Variants in MAML3 observed in about 807,000 individuals in gnomAD.
MAML3 encodes mastermind-like protein 3.
Under a neutral mutation model 101.9 loss-of-function variants are expected in MAML3, and 27 were observed. The observed-to-expected ratio is 0.27, with a 90% CI of 0.20 to 0.37. The LOEUF (loss-of-function observed/expected upper bound fraction) is 0.37. Ranked by LOEUF, MAML3 falls within the 10% of genes least tolerant of loss-of-function variation. The probability of loss-of-function intolerance (pLI) is 1.00; values close to 1 mark genes in which losing one functional copy is unlikely to be tolerated. For missense variants in MAML3, 1,316 were observed against 1,444.9 expected (o/e 0.91, Z 1.45); for synonymous variants, 501 against 555.9 (o/e 0.90, Z 1.39).
At chr4:140,138,211 C>T (rs1271097641) in intron 1 of MAML3, among the ~76,000 whole-genome samples, 1 of 152,162 alleles carries the variant, frequency 6.6e-6, no homozygotes, top group Non-Finnish European at 1.5e-5. Flanking sequence ...ATACAACTTG[C>T]CAGAAGTATT....
chr4:139,937,955 C>G (rs1209308150), intron 1 of MAML3, among the ~76,000 whole-genome samples: 1 of 152,126 alleles, frequency 6.6e-6, no homozygotes. Flanking sequence ...CTCGATGTCC[C>G]TTGCTGTATT....
intron 1 of MAML3, among the ~76,000 whole-genome samples, chr4:139,916,331 G>A (rs1243488389): frequency 1.3e-5 from 2 of 152,226 alleles, no homozygotes; most frequent in Non-Finnish European, 2.9e-5. Flanking sequence ...TATGAGGGCT[G>A]TTGTTCTTTC....
At chr4:139,823,224 T>C (rs921541492) in intron 2 of MAML3, among the ~76,000 whole-genome samples, 2 of 152,182 alleles carry the variant, frequency 1.3e-5, no homozygotes, top group African/African-American at 4.8e-5. Context: ...ATAGATAAGT[T>C]TCACACAGAA....
chr4:139,840,624 T>C (rs1023566703), intron 2 of MAML3, among the ~76,000 whole-genome samples: 1 of 152,166 alleles, frequency 6.6e-6, no homozygotes, highest in Non-Finnish European at 1.5e-5. Context: ...GAGTGTATCA[T>C]TGAACTTGAG....
intron 1 of MAML3, among the ~76,000 whole-genome samples, chr4:139,946,424 A>C (rs977215904): frequency 6.6e-6 from 1 of 152,212 alleles, no homozygotes; most frequent in African/African-American, 2.4e-5. Context: ...CGAGCCTGAC[A>C]ATGTGAATAA....
intron 1 of MAML3, among the ~76,000 whole-genome samples, chr4:139,984,226 C>T (rs555791726): frequency 3.3e-5 from 5 of 152,024 alleles, no homozygotes; most frequent in East Asian, 3.9e-4. Context: ...ATAGATGGTT[C>T]GCATGGGGTG....
rs1733833240 is a variant in MAML3 at position 139,951,642 on chromosome 4, G to C, written c.469-60675C>G. Among the ~76,000 whole-genome samples the C allele has an allele frequency of 2.6e-5, 4 of 152,298 alleles. No homozygotes were observed. The South Asian group carries it at 8.3e-4, about 32-fold the overall frequency. ...GCTCCTACCAAGAGGAGAGAGGAAA[G>C]GGTCAGCTGTGGCTTCTCGGCAGCT... On this transcript the variant is annotated intron_variant, in intron 1 of 4. Transcript: ENST00000509479.
intron 2 of MAML3, among the ~76,000 whole-genome samples, chr4:139,756,226 A>C (rs1010274631): frequency 6.6e-6 from 1 of 152,230 alleles, no homozygotes; most frequent in East Asian, 1.9e-4. Context: ...TGAAGGGAAC[A>C]CTCCCTCCAC....
intron 1 of MAML3, among the ~76,000 whole-genome samples, chr4:140,080,532 T>A (rs1727846046): frequency 6.6e-6 from 1 of 152,218 alleles, no homozygotes; most frequent in Non-Finnish European, 1.5e-5. Flanking sequence ...ATTTTCTAAA[T>A]GTAACAGTGA....
intron 2 of MAML3, among the ~76,000 whole-genome samples, chr4:139,844,665 T>C (rs1324359555): frequency 6.6e-6 from 1 of 152,234 alleles, no homozygotes; most frequent in East Asian, 1.9e-4. Context: ...TGTACCTTCC[T>C]TACCACTGCA....
chr4:140,105,072 A>G (rs2111002924), intron 1 of MAML3, among the ~76,000 whole-genome samples: 1 of 152,262 alleles, frequency 6.6e-6, no homozygotes, highest in South Asian at 2.1e-4. Flanking sequence ...GCTTAACAGA[A>G]ATATGTCCCA....
intron 2 of MAML3, among the ~76,000 whole-genome samples, chr4:139,814,025 A>AACACATAC (rs71584334): frequency 3.4e-5 from 5 of 145,032 alleles, no homozygotes; most frequent in African/African-American, 1.3e-4. Context: ...CACAAACACA[A>AACACATAC]ACACACACAC....
intron 1 of MAML3, among the ~76,000 whole-genome samples, chr4:140,146,579 A>G (rs1029217085): frequency 1.3e-5 from 2 of 152,214 alleles, no homozygotes; most frequent in African/African-American, 4.8e-5. Flanking sequence ...TACATTTCCA[A>G]GTCACAAAAC....
At chr4:139,839,928 C>T (rs1731330565) in intron 2 of MAML3, among the ~76,000 whole-genome samples, 1 of 152,144 alleles carries the variant, frequency 6.6e-6, no homozygotes, top group Non-Finnish European at 1.5e-5. Context: ...AAGCAACTCT[C>T]CCTGCTTTTC....
chr4:140,152,888 G>T lies in MAML3; in HGVS notation c.440C>A (p.Ala147Glu), dbSNP rs775871390. Residue 147 changes from alanine to glutamate, a missense_variant, in exon 1 of 5, where the codon GCG becomes GAG. Physicochemically the swap from Ala to Glu is moderately radical, Grantham distance 107. Coordinates refer to ENST00000509479, the MANE Select transcript of MAML3 (RefSeq NM_018717.5). The stretch of plus-strand genomic sequence containing the variant: ...GATCAGCGTGTGGTTCCTCTGCTCC[G>T]CCGAGGCAGCCTCCGCATCTTGCTG... ...KPQQDAEAAS[A>E]EQRNHTLIML... is the part of the protein sequence containing the mutation. 2.5e-6 allele frequency: 4 copies of T among 1,611,660 alleles called. No homozygotes were observed. The highest frequency in any genetic ancestry group is 2.0e-4 in the Middle Eastern group (1 of 4,994).
intron 1 of MAML3, among the ~76,000 whole-genome samples, chr4:139,905,167 C>T (rs1732798677): frequency 6.6e-6 from 1 of 152,172 alleles, no homozygotes; most frequent in South Asian, 2.1e-4. Context: ...ATGGTCACTT[C>T]TAGTGCTAAC....
At chr4:139,968,309 T>TAAAA (rs60977680) in intron 1 of MAML3, among the ~76,000 whole-genome samples, 11 of 106,310 alleles carry the variant, frequency 1.0e-4, no homozygotes, top group African/African-American at 3.7e-4. Context: ...GGCTCTGTCT[T>TAAAA]AAAAAAAAAA....
chr4:139,950,243 T>C (rs971358821), intron 1 of MAML3, among the ~76,000 whole-genome samples: 7 of 152,128 alleles, frequency 4.6e-5, no homozygotes, highest in Non-Finnish European at 8.8e-5. Flanking sequence ...GGTTTCACCA[T>C]GCTGGCCAGG....
At chr4:139,987,525 T>C (rs1234375828) in intron 1 of MAML3, among the ~76,000 whole-genome samples, 1 of 152,176 alleles carries the variant, frequency 6.6e-6, no homozygotes, top group Non-Finnish European at 1.5e-5. Context: ...AAAATCAGCC[T>C]CTCTGTGTTT....
Sources: allele counts gnomAD v4.1 joint callset (sites outside exome capture counted in the v4.1 genomes callset), GRCh38; gene constraint gnomAD v4.1.1; transcripts MANE v1.5; gene names NCBI Gene and HGNC (gene_info 2026-07-23, HGNC 2026-07-21).